Variants in PATE1 observed in about 807,000 individuals in gnomAD.
PATE1 encodes the protein prostate and testis expressed protein 1.
A neutral mutation model predicts 13.1 loss-of-function variants in PATE1; 21 were observed. The observed-to-expected ratio is 1.61, with a 90% CI of 1.14 to 2.31. The LOEUF (loss-of-function observed/expected upper bound fraction) is 2.31, where lower values mean the gene tolerates loss of function less well. PATE1 is among the 30% of genes most tolerant of loss of function. The probability of loss-of-function intolerance (pLI) is 0.00; values close to 1 mark genes in which losing one functional copy is unlikely to be tolerated. For missense variants in PATE1, 166 were observed against 147.2 expected (o/e 1.13, Z -0.66); for synonymous variants, 52 against 47.1 (o/e 1.10, Z -0.43).
chr11:125,746,419 T>C, intron 1 of PATE1, 63 bp downstream of exon 1: 4 of 1,554,408 alleles, frequency 2.6e-6, no homozygotes, highest in Non-Finnish European at 3.6e-6. Context: ...AGAGCACCCA[T>C]GACAGAGGCC....
chr11:125,747,328 A>G lies in PATE1; in HGVS notation c.89-48A>G, dbSNP rs371492154. 1.2e-5 allele frequency: 19 copies of G among 1,583,410 alleles called. No homozygotes were observed. The African/African-American group carries it at 2.4e-4, about 20-fold the overall frequency. On this transcript the variant is annotated intron_variant, in intron 2 of 4. Transcript: ENST00000305738. The stretch of plus-strand genomic sequence containing the variant: ...GACTATAAGAACCCAATACAAGAGT[A>G]AATCTCAGGCACATTTCAGATGTGT...
rs916473580 is a variant in PATE1 at position 125,746,769 on chromosome 11, C to A, written c.88+73C>A. 4.5e-6 allele frequency: 7 copies of A among 1,539,720 alleles called. No homozygotes were observed. The African/African-American group carries it at 6.9e-5, about 15-fold the overall frequency. ...GAAAAGATGAGTGGGGTGAGGTGAG[C>A]ACCAGGGGCCAAAAAAAACCAAAAT... On this transcript the variant is annotated intron_variant, in intron 2 of 4. Coordinates refer to ENST00000305738, the MANE Select transcript of PATE1 (RefSeq NM_138294.3).
At position 125,748,697 on chromosome 11, in the gene PATE1, C is replaced by T. The variant is rs146778071; in HGVS notation, c.345C>T (p.Cys115=). The change falls in exon 5 of 5, where the codon TGC becomes TGT. Residue 115 remains cysteine, a synonymous_variant. Transcript: ENST00000305738. ...RWSVYLVNFR[C]CRSHDLCNED... ...GTGTCTATTTGGTGAACTTCAGGTG[C>T]TGCAGGAGCCATGACCTGTGCAATG... 19 of 1,613,764 alleles carry T rather than the reference C, an allele frequency of 1.2e-5. No individual in the cohort carries two copies. Among genetic ancestry groups the T allele is most frequent in the East Asian group, 2.2e-5 (1 of 44,880 alleles).
chr11:125,746,703 A>C lies in PATE1; in HGVS notation c.88+7A>C. On this transcript the variant is annotated splice_region_variant and intron_variant, in intron 2 of 4. Coordinates refer to ENST00000305738, the MANE Select transcript of PATE1 (RefSeq NM_138294.3). ...TCAATGAGAAATGATGCAGGTGAGT[A>C]GGAATAGATAAGTGGTATGAGAAGG... is the stretch of plus-strand genomic sequence containing the variant. 1 of 1,613,442 alleles carries C rather than the reference A, an allele frequency of 6.2e-7. No individual in the cohort carries two copies.
At chr11:125,747,645 T>C in intron 3 of PATE1, 55 bp from the exon 4 acceptor site, 1 of 1,605,392 alleles carries the variant, frequency 6.2e-7, no homozygotes, top group Non-Finnish European at 8.5e-7. Flanking sequence ...GGAGAGGGGT[T>C]CTTTCCTGGT....
chr11:125,746,481 G>A, intron 1 of PATE1, 125 bp downstream of exon 1: 1 of 1,328,492 alleles, frequency 7.5e-7, no homozygotes. Flanking sequence ...CTGTTCTAAT[G>A]TTATGCCTTC....
chr11:125,747,796 C>A lies in PATE1; in HGVS notation c.221C>A (p.Ala74Asp), dbSNP rs12286611. Residue 74 changes from alanine to aspartate, a missense_variant, in exon 4 of 5, where the codon GCC (alanine) becomes GAC (aspartate). Coordinates refer to ENST00000305738, the MANE Select transcript of PATE1 (RefSeq NM_138294.3). ...RGICTATTEE[A>D]CMVGRMFKRD... The stretch of plus-strand genomic sequence containing the variant: ...ATATGCACAGCAACAACAGAAGAGG[C>A]CTGCATGGTTGGAAGGATGTTCAAA... 2 of 1,613,786 alleles carry A rather than the reference C, an allele frequency of 1.2e-6. No individual in the cohort carries two copies. The highest frequency in any genetic ancestry group is 2.2e-5 in the East Asian group (1 of 44,870).
In PATE1 at chr11:125,747,644, T is replaced by C. The variant is rs200586995; in HGVS notation, c.125-56T>C. ...CTTCTAACCCAAAAGGGGAGAGGGGTTCTTTCCTGGTAGTGCCATCTTTTC... is the reference window on the plus strand; with the variant it reads ...CTTCTAACCCAAAAGGGGAGAGGGGCTCTTTCCTGGTAGTGCCATCTTTTC... On this transcript the variant is annotated intron_variant, in intron 3 of 4. Coordinates refer to ENST00000305738, the MANE Select transcript of PATE1 (RefSeq NM_138294.3). 778 of 1,604,396 alleles carry C rather than the reference T, an allele frequency of 4.8e-4. 2 individuals are homozygous for C. The highest frequency in any genetic ancestry group is 2.1e-3 in the Middle Eastern group (10 of 4,768).
Position 125,747,380 on chromosome 11 carries a change from T to C in PATE1, c.93T>C (p.Asn31=). ...TTCTTTCTCTTGCCAGTACAGTCAA[T>C]GAAATAGTTGCTGTGAAAAACAATT... ...GSLSMRNDAV[N]EIVAVKNNFP... Residue 31 remains asparagine, a synonymous_variant, in exon 3 of 5, where the codon AAT becomes AAC. Transcript: ENST00000305738. 7 of 1,612,168 alleles carry C rather than the reference T, an allele frequency of 4.3e-6. No homozygotes were observed. The highest frequency in any genetic ancestry group is 5.9e-6 in the Non-Finnish European group (7 of 1,179,576).
intron 4 of PATE1, 89 bp downstream of exon 4, chr11:125,747,911 C>T (rs1160984358): frequency 6.4e-6 from 10 of 1,563,304 alleles, no homozygotes; most frequent in Non-Finnish European, 8.7e-6. Flanking sequence ...TCTTACTTTA[C>T]TTTTACTATA....
chr11:125,746,356 G>C lies in PATE1; in HGVS notation c.52G>C (p.Ala18Pro). Residue 18 changes from alanine to proline, a missense_variant and splice_region_variant, in exon 1 of 5, where the codon GCA becomes CCA. By Grantham distance (27) the Ala-to-Pro change is conservative. Coordinates refer to ENST00000305738, the MANE Select transcript of PATE1 (RefSeq NM_138294.3). ...CCCCATCCTGCTCTGCTGCTTTAGG[G>C]GTGAGTCCCTAGGGTTGACAGCTGG... ...ELPILLCCFR[A>P]LSGSLSMRND... The C allele has an allele frequency of 6.2e-7, 1 of 1,613,738 alleles. No homozygotes were observed.
intron 4 of PATE1, 32 bp from the exon 5 acceptor site, chr11:125,748,568 G>C (rs375303759): frequency 6.2e-7 from 1 of 1,602,366 alleles, no homozygotes; most frequent in Non-Finnish European, 8.5e-7. Context: ...TCATGGCCAG[G>C]CTTCCTGATC....
chr11:125,747,493 T>C, intron 3 of PATE1, 82 bp downstream of exon 3: 1 of 1,463,358 alleles, frequency 6.8e-7, no homozygotes, highest in South Asian at 1.2e-5. Context: ...TTCTTTCCCC[T>C]CCCATTTTTC....
intron 2 of PATE1, among the ~76,000 whole-genome samples, chr11:125,746,975 G>A (rs747996715): frequency 1.7e-4 from 26 of 152,100 alleles, no homozygotes; most frequent in Non-Finnish European, 2.9e-4. Flanking sequence ...TTCAGGTGTC[G>A]CTTGGCCAAA....
Position 125,747,420 on chromosome 11 carries a change from G to C in PATE1, c.124+9G>C. The C allele has an allele frequency of 1.9e-6, 3 of 1,610,538 alleles. No homozygotes were observed. The highest frequency in any genetic ancestry group is 2.5e-6 in the Non-Finnish European group (3 of 1,177,330). On this transcript the variant is annotated intron_variant, in intron 3 of 4. Transcript: ENST00000305738. ...GAAAAACAATTTTCCTGGTAAGTAT[G>C]AAGAGGACCTGTCTGATCACCTCAG... is the stretch of plus-strand genomic sequence containing the variant.
rs1943286823 is a variant in PATE1, at chr11:125,747,799, G to A, written c.224G>A (p.Cys75Tyr). 6.2e-7 allele frequency: 1 copy of A among 1,613,738 alleles called. No individual in the cohort carries two copies. The highest frequency in any genetic ancestry group is 1.3e-5 in the African/African-American group (1 of 74,910). The change falls in exon 4 of 5, where the codon TGC becomes TAC. Residue 75 changes from cysteine (C) to tyrosine (Y), a missense_variant. Transcript: ENST00000305738. ...TGCACAGCAACAACAGAAGAGGCCTGCATGGTTGGAAGGATGTTCAAAAGT... is the reference window on the plus strand; with the variant it reads ...TGCACAGCAACAACAGAAGAGGCCTACATGGTTGGAAGGATGTTCAAAAGT... ...GICTATTEEA[C>Y]MVGRMFKRDG... is the part of the protein sequence containing the mutation.
Position 125,748,946 on chromosome 11 carries a change from T to G in PATE1, c.*213T>G, listed in dbSNP as rs1665856830. The G allele has an allele frequency of 2.0e-6, 1 of 506,392 alleles. No homozygotes were observed. Among genetic ancestry groups the G allele is most frequent in the African/African-American group, 2.0e-5 (1 of 51,250 alleles). The allele number at this position is 506,392 out of a possible 1,614,324, so 31.4% of individuals were successfully genotyped here. A position where few individuals can be genotyped will look rare whatever the true frequency, so the allele number is the denominator to read the frequency against. ...CCTTAAAATAAGTAAATAAATAACC[T>G]TGAGAGAAAGAACAAGATCAATATA... On this transcript the variant is annotated 3_prime_UTR_variant, in exon 5 of 5. Transcript: ENST00000305738.
intron 2 of PATE1, 87 bp downstream of exon 2, chr11:125,746,783 A>G (rs904334374): frequency 7.8e-6 from 11 of 1,411,392 alleles, no homozygotes; most frequent in Middle Eastern, 1.8e-4. Flanking sequence ...AGGGGCCAAA[A>G]AAAACCAAAA....
In PATE1 at chr11:125,748,890, C is replaced by A; in HGVS notation, c.*157C>A. The A allele has an allele frequency of 1.2e-6, 1 of 868,320 alleles. No homozygotes were observed. The highest frequency in any genetic ancestry group is 1.7e-6 in the Non-Finnish European group (1 of 586,328). 53.8% of individuals were successfully genotyped at this position (868,320 alleles called of 1,614,324 possible). A position where few individuals can be genotyped will look rare whatever the true frequency, so the allele number is the denominator to read the frequency against. ...CATCTTCTGCACACGAAAGGAAAGT[C>A]CCTCTCCTTTTCTACAGTCTCTGTC... On this transcript the variant is annotated 3_prime_UTR_variant, in exon 5 of 5. Transcript: ENST00000305738.
Sources: gnomAD v4.1 joint callset for allele counts (sites outside exome capture counted in the v4.1 genomes callset) on GRCh38, gnomAD v4.1.1 for gene constraint, MANE v1.5 for transcripts, NCBI Gene and HGNC (gene_info 2026-07-23, HGNC 2026-07-21) for gene names.